The following PHF3 variants were observed in gnomAD, a reference collection of about 807,000 sequenced individuals.
PHF3 encodes the protein PHD finger protein 3.
A neutral mutation model predicts 178.4 loss-of-function variants in PHF3; 41 were observed. The observed-to-expected ratio is 0.23, with a 90% confidence interval of 0.18 to 0.30. The LOEUF is 0.30. Among genes scored for constraint, PHF3 ranks in the 10% least tolerant of loss-of-function variants. PHF3 has a pLI of 1.00. For missense variants in PHF3, 2,346 were observed against 2,398.1 expected (o/e 0.98, Z 0.45); for synonymous variants, 842 against 800.5 (o/e 1.05, Z -0.88).
Position 63,698,223 on chromosome 6 carries a change from G to A in PHF3, c.2681G>A (p.Gly894Asp). The change falls in exon 7 of 16, where the codon GGT (glycine) becomes GAT (aspartate). Residue 894 changes from glycine (G) to aspartate (D), a missense_variant and splice_region_variant. Around this residue, in one of 8 missense-constraint regions of PHF3, gnomAD observed 252 missense variants for 232.0 expected, o/e 1.09. Coordinates refer to ENST00000262043, the MANE Select transcript of PHF3 (RefSeq NM_001370348.2). Reference sequence around the variant, plus strand: ...GAGTTTCGATATTTATTCAAATTAGGTACTCATGAGAAGCAAGAGATGAAA... The same window carrying A: ...GAGTTTCGATATTTATTCAAATTAGATACTCATGAGAAGCAAGAGATGAAA... ...TCTGEKASKP[G>D]THEKQEMKKK... 9.4e-6 allele frequency: 15 copies of A among 1,603,514 alleles called. No homozygotes were observed. The highest frequency in any genetic ancestry group is 1.3e-5 in the Non-Finnish European group (15 of 1,173,384).
intron 3 of PHF3, among the ~76,000 whole-genome samples, chr6:63,680,824 C>G (rs549100683): frequency 7.9e-5 from 12 of 152,170 alleles, no homozygotes; most frequent in African/African-American, 2.4e-4. Context: ...CTGATCCCCT[C>G]TTATGTAGAC....
rs746794283 is a variant in PHF3, at chr6:63,679,977, A to AT, written c.245-16dup. 14 of 1,598,190 alleles carry AT rather than the reference A, an allele frequency of 8.8e-6. No homozygotes were observed. In the East Asian group the frequency reaches 1.8e-4, roughly 20 times the overall value. On this transcript the variant is annotated intron_variant, in intron 2 of 15. Coordinates refer to ENST00000262043, the MANE Select transcript of PHF3 (RefSeq NM_001370348.2). ...ACATTCCCAATATTTTTAAAAGTTA[A>AT]TTTTTTTGTCGTTTTTTTCTAGTTG...
At chr6:63,708,220 C>T (rs952451465) in intron 13 of PHF3, among the ~76,000 whole-genome samples, 12 of 151,904 alleles carry the variant, frequency 7.9e-5, no homozygotes, top group Admixed American at 7.9e-4. Flanking sequence ...ATACAGTTTG[C>T]TTGATATTTT....
At chr6:63,664,540 T>A (rs1751907478) in intron 2 of PHF3, among the ~76,000 whole-genome samples, 1 of 152,220 alleles carries the variant, frequency 6.6e-6, no homozygotes, top group Admixed American at 6.5e-5. Flanking sequence ...CTTGTCTTAC[T>A]GTTTTACTGT....
chr6:63,638,772 T>C (rs1300119490), intron 1 of PHF3, among the ~76,000 whole-genome samples: 1 of 152,184 alleles, frequency 6.6e-6, no homozygotes, highest in Non-Finnish European at 1.5e-5. Context: ...CTGGAGTATC[T>C]TTTCAGAAGG....
At chr6:63,666,961 A>G (rs892520407) in intron 2 of PHF3, among the ~76,000 whole-genome samples, 5 of 152,098 alleles carry the variant, frequency 3.3e-5, no homozygotes, top group African/African-American at 4.8e-5. Context: ...CGTGTTTGCC[A>G]GGCTGGTCTT....
At chr6:63,680,598 A>G (rs1482627037) in intron 3 of PHF3, among the ~76,000 whole-genome samples, 1 of 151,946 alleles carries the variant, frequency 6.6e-6, no homozygotes, top group Non-Finnish European at 1.5e-5. Flanking sequence ...GTAATATGCT[A>G]TTAGAGATGA....
chr6:63,695,783 A>C (rs978821107), intron 6 of PHF3, among the ~76,000 whole-genome samples: 2 of 152,198 alleles, frequency 1.3e-5, no homozygotes, highest in South Asian at 4.1e-4. Context: ...AATAGAGTTG[A>C]CAGAACTTGC....
intron 6 of PHF3, 103 bp downstream of exon 6, chr6:63,694,867 TA>T: frequency 1.6e-6 from 1 of 638,496 alleles, no homozygotes; most frequent in Non-Finnish European, 2.2e-6. Flanking sequence ...TTAACATTAT[TA>T]AATGTTGTAT....
chr6:63,645,333 A>G (rs1358087250), intron 1 of PHF3, among the ~76,000 whole-genome samples: 2 of 152,208 alleles, frequency 1.3e-5, no homozygotes, highest in African/African-American at 2.4e-5. Context: ...AGACATTTAA[A>G]TTATTCAAGT....
At chr6:63,651,255 T>C (rs750359601) in intron 2 of PHF3, among the ~76,000 whole-genome samples, 3 of 152,238 alleles carry the variant, frequency 2.0e-5, no homozygotes, top group Non-Finnish European at 4.4e-5. Context: ...ATTCAAAAGT[T>C]GCCCTTCTAG....
chr6:63,651,169 C>T (rs1765005070), intron 2 of PHF3, among the ~76,000 whole-genome samples: 1 of 151,912 alleles, frequency 6.6e-6, no homozygotes, highest in East Asian at 1.9e-4. Flanking sequence ...TGCATGTGTA[C>T]AATACGTAAT....
chr6:63,693,644 C>T (rs750766934), intron 5 of PHF3, among the ~76,000 whole-genome samples: 1 of 152,164 alleles, frequency 6.6e-6, no homozygotes, highest in Non-Finnish European at 1.5e-5. Context: ...AAAACGTTAA[C>T]AATTTTAACA....
At chr6:63,693,542 C>T (rs762160576) in intron 5 of PHF3, among the ~76,000 whole-genome samples, 4 of 152,154 alleles carry the variant, frequency 2.6e-5, no homozygotes, top group Non-Finnish European at 2.9e-5. Context: ...TTGAACCTGA[C>T]GGAGGTTGTA....
rs1270335046 is a variant in PHF3 at position 63,706,075 on chromosome 6, AGTT to A, written c.3420_3422del (p.Val1141del). The A allele has an allele frequency of 1.9e-6, 3 of 1,613,834 alleles. No homozygotes were observed. The highest frequency in any genetic ancestry group is 2.2e-5 in the East Asian group (1 of 44,858). ...ATGATCTTTCTCCAAAAAAAGTAAA[AGTT>A]GTTGTAGGAGTAGCTCGCAAACATT... On this transcript the variant is annotated inframe_deletion, in exon 12 of 16. Coordinates refer to ENST00000262043, the MANE Select transcript of PHF3 (RefSeq NM_001370348.2).
intron 2 of PHF3, among the ~76,000 whole-genome samples, chr6:63,675,788 C>T (rs1015042898): frequency 2.0e-5 from 3 of 152,302 alleles, no homozygotes; most frequent in Non-Finnish European, 4.4e-5. Context: ...ATGGTCAGAT[C>T]TCTGTTGATT....
chr6:63,643,589 C>G (rs114816670), intron 1 of PHF3, among the ~76,000 whole-genome samples: 1,797 of 152,270 alleles, frequency 0.012, 31 homozygotes, highest in African/African-American at 0.041. Context: ...GCTTACTAAA[C>G]ATGTCTCACA....
In PHF3 at chr6:63,717,940, C is replaced by T. The variant is rs74989288; in HGVS notation, c.*4232C>T. On this transcript the variant is annotated 3_prime_UTR_variant, in exon 16 of 16. Transcript: ENST00000262043. ...ATTCAACACTTTGAGAAACCTCATA[C>T]ATTTATAGTAAAATCTTAAAGGTCT... Among the ~76,000 whole-genome samples, 1,831 of 152,020 alleles carry T rather than the reference C, an allele frequency of 0.012. 38 individuals carry two copies. The highest frequency in any genetic ancestry group is 0.042 in the African/African-American group (1,729 of 41,490).
chr6:63,700,537 C>G (rs1481071339), intron 9 of PHF3, 71 bp downstream of exon 9: 4 of 821,570 alleles, frequency 4.9e-6, no homozygotes, highest in Non-Finnish European at 8.3e-6. Flanking sequence ...AAAAATTATA[C>G]AGAGGTAAAT....
Sources: gnomAD v4.1 joint callset for allele counts (sites outside exome capture counted in the v4.1 genomes callset) on GRCh38, gnomAD v4.1.1 for gene constraint, gnomAD v4.1.1 regional missense constraint, MANE v1.5 for transcripts, NCBI Gene and HGNC (gene_info 2026-07-23, HGNC 2026-07-21) for gene names.